GABPB1: variants seen among roughly 807,000 people sequenced by gnomAD.
The protein encoded by GABPB1 is GA binding protein transcription factor subunit beta 1.
A neutral mutation model predicts 45.9 loss-of-function variants in GABPB1; 15 were observed. The observed-to-expected ratio is 0.33, with a 90% CI of 0.22 to 0.50. The LOEUF (loss-of-function observed/expected upper bound fraction) is 0.50, where lower values mean the gene tolerates loss of function less well. GABPB1 is among the 20% of genes least tolerant of loss of function. GABPB1 has a pLI of 0.98. For synonymous variants in GABPB1, 143 were observed against 154.4 expected (o/e 0.93, Z 0.55); for missense variants, 252 against 457.5 (o/e 0.55, Z 4.10).
At chr15:50,278,859 C>T in intron 8 of GABPB1, 75 bp from the exon 9 acceptor site, 2 of 1,140,346 alleles carry the variant, frequency 1.8e-6, no homozygotes, top group Non-Finnish European at 2.4e-6. Flanking sequence ...ATGCATCCTT[C>T]AAATTAAAAA....
At chr15:50,345,673 T>C (rs746404424) in intron 1 of GABPB1, among the ~76,000 whole-genome samples, 4 of 152,074 alleles carry the variant, frequency 2.6e-5, no homozygotes, top group African/African-American at 7.2e-5. Flanking sequence ...TTCATCAAAA[T>C]TGATTTTTTT....
chr15:50,342,692 C>T lies in GABPB1; in HGVS notation c.-1+12293G>A, dbSNP rs1257479767. On this transcript the variant is annotated intron_variant, in intron 1 of 8. Coordinates refer to ENST00000380877, the MANE Select transcript of GABPB1 (RefSeq NM_016654.5). ...TTAAAGCCAATGTTTTTGAAAATAT[C>T]AGCATATATCAAATGTAGTTATCAC... 3.9e-5 allele frequency among the ~76,000 whole-genome samples: 6 copies of T among 152,164 alleles called. No individual in the cohort carries two copies. The East Asian group carries it at 1.2e-3, about 29-fold the overall frequency.
intron 1 of GABPB1, among the ~76,000 whole-genome samples, chr15:50,337,067 A>ATGTG (rs71900822): frequency 9.7e-4 from 115 of 118,106 alleles, no homozygotes; most frequent in Non-Finnish European, 1.6e-3. Flanking sequence ...TTACATGTAT[A>ATGTG]TGTGTGTGTA....
At chr15:50,311,436 A>C (rs1050434336) in intron 1 of GABPB1, among the ~76,000 whole-genome samples, 1 of 152,204 alleles carries the variant, frequency 6.6e-6, no homozygotes, top group Admixed American at 6.5e-5. Context: ...AATTATAAAG[A>C]GAGTAATGGC....
Position 50,300,433 on chromosome 15 carries a change from TTG to T in GABPB1, c.697+354_697+355del, listed in dbSNP as rs1395741660. Among the ~76,000 whole-genome samples the T allele has an allele frequency of 6.4e-3, 476 of 74,732 alleles. 17 individuals are homozygous for T. Among genetic ancestry groups the T allele is most frequent in the African/African-American group, 0.026 (450 of 17,336 alleles). 49.0% of individuals were successfully genotyped at this position (74,732 alleles called of 152,430 possible). ...TAAATATTTGAATCTGCAACTGTTT[TTG>T]GTTTTTTTTTTTTTTTTTTTTTTTT... is the stretch of plus-strand genomic sequence containing the variant. On this transcript the variant is annotated intron_variant, in intron 6 of 8. Coordinates refer to ENST00000380877, the MANE Select transcript of GABPB1 (RefSeq NM_016654.5).
chr15:50,299,919 C>T (rs1001736769), intron 6 of GABPB1, among the ~76,000 whole-genome samples: 35 of 151,932 alleles, frequency 2.3e-4, no homozygotes, highest in African/African-American at 8.5e-4. Context: ...CAGGTTCAAG[C>T]GATCCTCTGA....
At chr15:50,300,429 GTTTTTGGTTTTTTTTTTTTT>G (rs2046688628) in intron 6 of GABPB1, among the ~76,000 whole-genome samples, 1 of 72,176 alleles carries the variant, frequency 1.4e-5, no homozygotes, top group South Asian at 5.2e-4. Context: ...ATCTGCAACT[GTTTTTGGTTTTTTTTTTTTT>G]TTTTTTTTTT....
At position 50,277,404 on chromosome 15, in the gene GABPB1, A is replaced by G. The variant is rs2140954128; in HGVS notation, c.*1228T>C. 6.6e-6 allele frequency: 1 copy of G among 151,868 alleles called. No individual in the cohort carries two copies. The highest frequency in any genetic ancestry group is 2.1e-4 in the South Asian group (1 of 4,816). The allele number at this position is 151,868 out of a possible 1,614,324, so 9.4% of individuals were successfully genotyped here. A position where few individuals can be genotyped will look rare whatever the true frequency, so the allele number is the denominator to read the frequency against. ...GCAATAAAACACTGAAAAATAAAGCAAGAAAAAGGGGTTTGAAGTAATATT... is the reference window on the plus strand; with the variant it reads ...GCAATAAAACACTGAAAAATAAAGCGAGAAAAAGGGGTTTGAAGTAATATT... On this transcript the variant is annotated 3_prime_UTR_variant, in exon 9 of 9. Coordinates refer to ENST00000380877, the MANE Select transcript of GABPB1 (RefSeq NM_016654.5).
At chr15:50,305,275 T>C (rs995175619) in intron 2 of GABPB1, among the ~76,000 whole-genome samples, 17 of 114,142 alleles carry the variant, frequency 1.5e-4, no homozygotes, top group African/African-American at 4.7e-4. Context: ...TCCTTAGTCC[T>C]ATCTCTCTAT....
chr15:50,350,903 G>C (rs1268207480), intron 1 of GABPB1: 1 of 152,108 alleles, frequency 6.6e-6, no homozygotes, highest in Non-Finnish European at 1.5e-5. Flanking sequence ...ATCCTTAAAA[G>C]TGGCTGTTAC....
chr15:50,339,500 GA>G lies in GABPB1; in HGVS notation c.-1+15484del, dbSNP rs879550186. ...GGCAACAGAGTAAGACTCCACCTTG[GA>G]AAAAAAAAAAAAAACTTCTTGAAAC... On this transcript the variant is annotated intron_variant, in intron 1 of 8. Coordinates refer to ENST00000380877, the MANE Select transcript of GABPB1 (RefSeq NM_016654.5). Among the ~76,000 whole-genome samples, 511 of 114,866 alleles carry G rather than the reference GA, an allele frequency of 4.4e-3. 3 individuals carry two copies. The highest frequency in any genetic ancestry group is 0.014 in the African/African-American group (431 of 31,586). 75.4% of individuals were successfully genotyped at this position (114,866 alleles called of 152,430 possible).
intron 4 of GABPB1, 111 bp from the exon 5 acceptor site, chr15:50,301,479 T>C (rs112661638): frequency 1.8e-5 from 18 of 977,288 alleles, no homozygotes; most frequent in African/African-American, 1.6e-4. Context: ...AAGAATCACA[T>C]AGTACAAGTG....
At chr15:50,284,397 A>G (rs980131040) in intron 8 of GABPB1, among the ~76,000 whole-genome samples, 1 of 152,232 alleles carries the variant, frequency 6.6e-6, no homozygotes, top group East Asian at 1.9e-4. Flanking sequence ...TCTAATTACT[A>G]AAATCAAAAC....
At chr15:50,307,228 T>C (rs1303856191) in intron 2 of GABPB1, among the ~76,000 whole-genome samples, 2 of 152,230 alleles carry the variant, frequency 1.3e-5, no homozygotes, top group Admixed American at 6.5e-5. Context: ...GCCTTGGTAC[T>C]GCTCAACTGT....
intron 6 of GABPB1, among the ~76,000 whole-genome samples, chr15:50,299,891 A>G (rs1449536513): frequency 1.3e-5 from 2 of 151,852 alleles, no homozygotes; most frequent in Non-Finnish European, 2.9e-5. Flanking sequence ...ATCTTGGCTC[A>G]TGGCAACCTC....
intron 1 of GABPB1, among the ~76,000 whole-genome samples, chr15:50,340,241 A>G (rs1239492864): frequency 1.3e-5 from 2 of 152,202 alleles, no homozygotes; most frequent in Non-Finnish European, 2.9e-5. Context: ...CCCAGCGTCC[A>G]GAACTCTGAG....
intron 1 of GABPB1, chr15:50,354,267 G>C (rs1258534850): frequency 5.3e-6 from 2 of 377,714 alleles, no homozygotes; most frequent in Non-Finnish European, 1.0e-5. Flanking sequence ...GAAGTCTTTG[G>C]GGCAGAAGTC....
At chr15:50,309,591 C>G (rs2047060860) in intron 2 of GABPB1, 100 bp downstream of exon 2, 1 of 668,686 alleles carries the variant, frequency 1.5e-6, no homozygotes, top group Non-Finnish European at 2.6e-6. Context: ...AAAATAATAA[C>G]TTTTTACCAC....
intron 1 of GABPB1, chr15:50,353,558 GGATTT>G (rs1431187459): frequency 6.7e-6 from 1 of 150,362 alleles, no homozygotes; most frequent in Non-Finnish European, 1.5e-5. Context: ...AACATGTAAT[GGATTT>G]ATTTTTTGTT....
Sources: allele counts gnomAD v4.1 joint callset (sites outside exome capture counted in the v4.1 genomes callset), GRCh38; gene constraint gnomAD v4.1.1; transcripts MANE v1.5; gene names NCBI Gene and HGNC (gene_info 2026-07-23, HGNC 2026-07-21).